ANKRD29: variants seen among roughly 807,000 people sequenced by gnomAD.
ANKRD29 encodes the protein ankyrin repeat domain-containing protein 29.
A neutral mutation model predicts 38.0 loss-of-function variants in ANKRD29; 32 were observed. The observed-to-expected ratio is 0.84, with a 90% confidence interval of 0.64 to 1.13. The LOEUF (loss-of-function observed/expected upper bound fraction) is 1.13. Ranked by LOEUF, ANKRD29 falls within the 50% of genes most tolerant of loss-of-function variation. The pLI, the probability that ANKRD29 is intolerant of heterozygous loss-of-function variation, is 0.00. For missense variants in ANKRD29, 357 were observed against 377.9 expected (o/e 0.94, Z 0.46); for synonymous variants, 135 against 152.4 (o/e 0.89, Z 0.84).
At chr18:23,634,272 T>C in intron 4 of ANKRD29, 123 bp from the exon 5 acceptor site, 1 of 605,692 alleles carries the variant, frequency 1.7e-6, no homozygotes, top group Non-Finnish European at 2.7e-6. Context: ...CAAACTCACT[T>C]TCCCTGTTTT....
At chr18:23,646,162 TTTC>T in intron 3 of ANKRD29, 24 bp downstream of exon 3, 1 of 1,609,098 alleles carries the variant, frequency 6.2e-7, no homozygotes, top group Non-Finnish European at 8.5e-7. Context: ...CCTGGTCATT[TTTC>T]TTCAAGTGCA....
At chr18:23,632,547 A>ATATATATATAT (rs2059947906) in intron 5 of ANKRD29, among the ~76,000 whole-genome samples, 1 of 148,248 alleles carries the variant, frequency 6.7e-6, no homozygotes, top group Non-Finnish European at 1.5e-5. Context: ...ATATATATAT[A>ATATATATATAT]TTACACACTC....
At chr18:23,625,934 T>C (rs1023841851) in intron 6 of ANKRD29, among the ~76,000 whole-genome samples, 3 of 152,156 alleles carry the variant, frequency 2.0e-5, no homozygotes, top group African/African-American at 7.2e-5. Context: ...CAGGCACTGA[T>C]CACTAAATGC....
At chr18:23,622,462 G>A (rs1388992845) in intron 6 of ANKRD29, among the ~76,000 whole-genome samples, 1 of 152,206 alleles carries the variant, frequency 6.6e-6, no homozygotes, top group East Asian at 1.9e-4. Context: ...TATTCAATGT[G>A]CTTTTCAATG....
intron 5 of ANKRD29, among the ~76,000 whole-genome samples, chr18:23,632,643 C>T (rs1429623177): frequency 6.6e-6 from 1 of 151,794 alleles, no homozygotes; most frequent in African/African-American, 2.4e-5. Context: ...GTGAGAACTA[C>T]CTGTTGCCCA....
intron 1 of ANKRD29, among the ~76,000 whole-genome samples, chr18:23,655,130 C>T (rs561278986): frequency 2.6e-5 from 4 of 152,248 alleles, no homozygotes; most frequent in African/African-American, 7.2e-5. Flanking sequence ...GAATGCTTAA[C>T]AAACATCAAG....
intron 4 of ANKRD29, among the ~76,000 whole-genome samples, chr18:23,635,255 C>T (rs1213557519): frequency 1.4e-5 from 2 of 146,738 alleles, no homozygotes; most frequent in Non-Finnish European, 3.0e-5. Context: ...GGTGACAGAG[C>T]GAGACACTGT....
chr18:23,605,069 C>A (rs2059558505), intron 9 of ANKRD29, among the ~76,000 whole-genome samples: 1 of 151,580 alleles, frequency 6.6e-6, no homozygotes. Flanking sequence ...TACAGGCGCC[C>A]ACCACTGTGC....
chr18:23,639,055 C>A, intron 3 of ANKRD29, 108 bp from the exon 4 acceptor site: 1 of 811,932 alleles, frequency 1.2e-6, no homozygotes, highest in Non-Finnish European at 1.8e-6. Flanking sequence ...AAACTTCTAG[C>A]CTAGGAAGGG....
At chr18:23,607,821 A>C (rs769743793) in intron 9 of ANKRD29, among the ~76,000 whole-genome samples, 1 of 152,120 alleles carries the variant, frequency 6.6e-6, no homozygotes, top group Non-Finnish European at 1.5e-5. Flanking sequence ...AAACCACTAA[A>C]TCTCCCCACT....
intron 6 of ANKRD29, among the ~76,000 whole-genome samples, chr18:23,620,606 G>A (rs139864252): frequency 1.3e-5 from 2 of 152,214 alleles, no homozygotes; most frequent in Admixed American, 1.3e-4. Flanking sequence ...CGTGTGTTGT[G>A]GGGGAGAGGT....
chr18:23,610,245 AG>A (rs1453968585), intron 9 of ANKRD29, among the ~76,000 whole-genome samples: 2 of 152,158 alleles, frequency 1.3e-5, no homozygotes, highest in Non-Finnish European at 2.9e-5. Context: ...TGGGAGGCCG[AG>A]GGGGGCGGAT....
At chr18:23,638,113 T>C (rs2060026480) in intron 4 of ANKRD29, among the ~76,000 whole-genome samples, 1 of 146,836 alleles carries the variant, frequency 6.8e-6, no homozygotes, top group African/African-American at 2.5e-5. Context: ...TTCTCCTACC[T>C]CAGCCTCCTG....
At chr18:23,609,635 C>A (rs2059616448) in intron 9 of ANKRD29, among the ~76,000 whole-genome samples, 1 of 152,186 alleles carries the variant, frequency 6.6e-6, no homozygotes. Context: ...TTACTCATAA[C>A]CATTATTGTT....
At chr18:23,629,565 C>T (rs547298839) in intron 6 of ANKRD29, among the ~76,000 whole-genome samples, 47 of 152,356 alleles carry the variant, frequency 3.1e-4, no homozygotes, top group Non-Finnish European at 4.9e-4. Context: ...TTTGTTTGCA[C>T]AGGAGGTGGC....
At chr18:23,606,354 A>AAT (rs1276795289) in intron 9 of ANKRD29, among the ~76,000 whole-genome samples, 1 of 152,218 alleles carries the variant, frequency 6.6e-6, no homozygotes, top group Non-Finnish European at 1.5e-5. Flanking sequence ...TTTTGGCTTC[A>AAT]AGCGATCCTG....
chr18:23,602,106 G>A (rs1175418592), intron 9 of ANKRD29, among the ~76,000 whole-genome samples: 3 of 151,604 alleles, frequency 2.0e-5, no homozygotes, highest in Non-Finnish European at 4.4e-5. Flanking sequence ...GTGTGACCTC[G>A]GCTCACTGCA....
chr18:23,607,487 C>A (rs1481920864), intron 9 of ANKRD29, among the ~76,000 whole-genome samples: 1 of 152,202 alleles, frequency 6.6e-6, no homozygotes, highest in East Asian at 1.9e-4. Context: ...GCTTAAGAAG[C>A]TCTACCTCTG....
At chr18:23,609,999 C>T (rs887018308) in intron 9 of ANKRD29, among the ~76,000 whole-genome samples, 2 of 152,074 alleles carry the variant, frequency 1.3e-5, no homozygotes, top group African/African-American at 4.8e-5. Flanking sequence ...GTTTAACTGG[C>T]ACTTCTTAAG....
Sources: allele counts gnomAD v4.1 joint callset (sites outside exome capture counted in the v4.1 genomes callset), GRCh38; gene constraint gnomAD v4.1.1; transcripts MANE v1.5; gene names NCBI Gene and HGNC (gene_info 2026-07-23, HGNC 2026-07-21).